CSMD3: variants seen among roughly 807,000 people sequenced by gnomAD.
CSMD3 encodes CUB and sushi domain-containing protein 3.
Under a neutral mutation model 435.2 loss-of-function variants are expected in CSMD3, and 177 were observed. That is an observed-to-expected ratio of 0.41 (90% confidence interval 0.36 to 0.46). The LOEUF is 0.46. Ranked by LOEUF, CSMD3 falls within the 20% of genes least tolerant of loss-of-function variation. The pLI is 0.34. For missense variants in CSMD3, 4,265 were observed against 4,504.6 expected, an observed-to-expected ratio of 0.95 and a Z score of 1.52; for synonymous variants, 1,656 against 1,520.5, an observed-to-expected ratio of 1.09 and a Z score of -2.07.
chr8:112,305,588 T>C (rs1034224474), intron 51 of CSMD3, among the ~76,000 whole-genome samples: 1 of 152,084 alleles, frequency 6.6e-6, no homozygotes, highest in Non-Finnish European at 1.5e-5. Context: ...CAGAAGAATA[T>C]CAACAAAAGT....
At chr8:112,696,096 C>T (rs1324011306) in intron 13 of CSMD3, among the ~76,000 whole-genome samples, 2 of 152,176 alleles carry the variant, frequency 1.3e-5, no homozygotes, top group African/African-American at 4.8e-5. Flanking sequence ...AATGGAAGAA[C>T]ATTCCATGCT....
intron 32 of CSMD3, among the ~76,000 whole-genome samples, chr8:112,454,134 A>G (rs1002194728): frequency 2.0e-5 from 3 of 152,254 alleles, no homozygotes; most frequent in Non-Finnish European, 4.4e-5. Context: ...AAGACGTCAA[A>G]CTATAAAAAT....
At chr8:113,389,112 T>C (rs1469205985) in intron 1 of CSMD3, among the ~76,000 whole-genome samples, 2 of 151,670 alleles carry the variant, frequency 1.3e-5, no homozygotes, top group Non-Finnish European at 3.0e-5. Context: ...TCAGTTTGTG[T>C]GACTCAGTAT....
At chr8:112,304,978 C>G (rs961028978) in intron 51 of CSMD3, 63 bp from the exon 52 acceptor site, 4 of 1,192,264 alleles carry the variant, frequency 3.4e-6, no homozygotes, top group Non-Finnish European at 4.9e-6. Flanking sequence ...CTATTCCATT[C>G]TTTACATCTC....
At chr8:112,882,177 T>G (rs2081467699) in intron 10 of CSMD3, among the ~76,000 whole-genome samples, 1 of 152,078 alleles carries the variant, frequency 6.6e-6, no homozygotes, top group East Asian at 2.0e-4. Context: ...AGAGTCTTTA[T>G]GTCAAAAGGA....
chr8:113,159,073 A>C (rs1295222353), intron 4 of CSMD3, among the ~76,000 whole-genome samples: 1 of 151,966 alleles, frequency 6.6e-6, no homozygotes, highest in Non-Finnish European at 1.5e-5. Context: ...AGACAAAATA[A>C]TCTGTTCCTT....
chr8:113,077,180 C>T (rs1009629854), intron 5 of CSMD3, among the ~76,000 whole-genome samples: 1 of 151,958 alleles, frequency 6.6e-6, no homozygotes, highest in Non-Finnish European at 1.5e-5. Context: ...CTATAAATTT[C>T]CTGACTGTGA....
chr8:113,144,279 T>G (rs2091619993), intron 4 of CSMD3, among the ~76,000 whole-genome samples: 1 of 151,346 alleles, frequency 6.6e-6, no homozygotes. Flanking sequence ...AATCTGGTAA[T>G]GGTATGTTTC....
intron 37 of CSMD3, among the ~76,000 whole-genome samples, chr8:112,380,921 G>T (rs1002453910): frequency 6.6e-6 from 1 of 152,088 alleles, no homozygotes; most frequent in Admixed American, 6.5e-5. Flanking sequence ...TTTTTTTGAA[G>T]ACTGTGTTAT....
At chr8:112,667,175 T>G (rs544756507) in intron 16 of CSMD3, among the ~76,000 whole-genome samples, 7 of 152,130 alleles carry the variant, frequency 4.6e-5, no homozygotes, top group Non-Finnish European at 1.0e-4. Context: ...AACCAAGTTT[T>G]AGAGAGAGCA....
At position 112,974,959 on chromosome 8, in the gene CSMD3, T is replaced by C. The variant is rs868185608; in HGVS notation, c.1342+878A>G. 4.6e-5 allele frequency among the ~76,000 whole-genome samples: 7 copies of C among 152,064 alleles called. No individual in the cohort carries two copies. The South Asian group carries it at 1.0e-3, about 23-fold the overall frequency. Reference sequence around the variant, plus strand: ...TCTTGGAAATGTAGTAGATATTTTATACTTGAAATATGTTCAATTAATTAA... The same window carrying C: ...TCTTGGAAATGTAGTAGATATTTTACACTTGAAATATGTTCAATTAATTAA... On this transcript the variant is annotated intron_variant, in intron 7 of 70. Coordinates refer to ENST00000297405, the MANE Select transcript of CSMD3 (RefSeq NM_198123.2).
intron 5 of CSMD3, among the ~76,000 whole-genome samples, chr8:113,069,067 G>A (rs1045007539): frequency 5.3e-5 from 8 of 151,774 alleles, no homozygotes; most frequent in African/African-American, 1.5e-4. Flanking sequence ...GATTAGAGAC[G>A]ACAAACGATT....
intron 13 of CSMD3, among the ~76,000 whole-genome samples, chr8:112,723,040 A>C (rs942723134): frequency 6.7e-6 from 1 of 148,510 alleles, no homozygotes; most frequent in Non-Finnish European, 1.5e-5. Context: ...ACAAGTAGCA[A>C]AAAAAAAAAA....
intron 18 of CSMD3, among the ~76,000 whole-genome samples, chr8:112,655,257 A>G (rs1360679720): frequency 6.6e-6 from 1 of 152,080 alleles, no homozygotes; most frequent in Non-Finnish European, 1.5e-5. Context: ...AAGGGTCATA[A>G]TTAACTTGAA....
chr8:112,449,101 G>T (rs1380869083), intron 32 of CSMD3, among the ~76,000 whole-genome samples: 1 of 152,002 alleles, frequency 6.6e-6, no homozygotes, highest in South Asian at 2.1e-4. Flanking sequence ...CAATCTACAC[G>T]ATTTGGGTGA....
Position 112,390,762 on chromosome 8 carries a change from G to A in CSMD3, c.5836C>T (p.Arg1946Cys), listed in dbSNP as rs377290204. ...IVPCGGILTK[R>C]KGTILSPGYP... is the part of the protein sequence containing the mutation. ...CCAGGTGACAAAATAGTCCCTTTGC[G>A]CTTAGTTAAAATTCCACCACAGGGC... Residue 1946 changes from arginine to cysteine, a missense_variant, in exon 36 of 71, where the codon CGC (arginine) becomes TGC (cysteine). Arg to Cys is a radical substitution (Grantham distance 180). Transcript: ENST00000297405. The A allele has an allele frequency of 5.0e-5, 80 of 1,613,242 alleles. No homozygotes were observed. The highest frequency in any genetic ancestry group is 3.4e-4 in the South Asian group (31 of 91,050).
intron 32 of CSMD3, among the ~76,000 whole-genome samples, chr8:112,433,527 C>T (rs1165620206): frequency 6.6e-6 from 1 of 151,364 alleles, no homozygotes; most frequent in African/African-American, 2.4e-5. Flanking sequence ...TATGGTGACG[C>T]ATGCTTGTGG....
chr8:112,574,156 T>G (rs1829756160), intron 23 of CSMD3, among the ~76,000 whole-genome samples: 1 of 151,958 alleles, frequency 6.6e-6, no homozygotes, highest in South Asian at 2.1e-4. Context: ...TTAAAGGAGG[T>G]CTAAATGCTT....
intron 24 of CSMD3, among the ~76,000 whole-genome samples, chr8:112,563,510 C>A (rs1449664350): frequency 6.6e-6 from 1 of 151,150 alleles, no homozygotes; most frequent in East Asian, 1.9e-4. Context: ...TAGACATAAT[C>A]TAGTAAGTAA....
Sources: gnomAD v4.1 joint callset for allele counts (sites outside exome capture counted in the v4.1 genomes callset) on GRCh38, gnomAD v4.1.1 for gene constraint, MANE v1.5 for transcripts, NCBI Gene and HGNC (gene_info 2026-07-23, HGNC 2026-07-21) for gene names.